The following GLOD4 variants were observed in gnomAD, a reference collection of about 807,000 sequenced individuals.
GLOD4 encodes the protein glyoxalase domain-containing protein 4.
In GLOD4, 44 loss-of-function variants were observed where a neutral mutation model predicts 39.1. The ratio of observed to expected loss-of-function variants is 1.13; its 90% CI spans 0.88 to 1.45. GLOD4 has a LOEUF of 1.45. GLOD4 is among the 40% of genes most tolerant of loss of function. The pLI is 0.00. For synonymous variants in GLOD4, 145 were observed against 135.0 expected (o/e 1.07, Z -0.52); for missense variants, 405 against 366.4 (o/e 1.11, Z -0.86).
Position 775,787 on chromosome 17 carries a change from G to T in GLOD4, c.394C>A (p.Leu132Met). Residue 132 changes from leucine (L) to methionine (M), a missense_variant, in exon 4 of 9, where the codon CTG (leucine) becomes ATG (methionine). By Grantham distance (15) the Leu-to-Met change is conservative. Coordinates refer to ENST00000301329, the MANE Select transcript of GLOD4 (RefSeq NM_016080.4). ...CTGGTATAATTACCTGACTGAGGCA[G>T]ACTGCGATTCTGCAAATAGAACTTA... Reference protein sequence around the residue: ...GYKFYLQNRSLPQSDPVLKVT... With the variant: ...GYKFYLQNRSMPQSDPVLKVT... The T allele has an allele frequency of 6.2e-7, 1 of 1,613,864 alleles. No individual in the cohort carries two copies. The highest frequency in any genetic ancestry group is 1.1e-5 in the South Asian group (1 of 91,052).
intron 1 of GLOD4, among the ~76,000 whole-genome samples, chr17:779,396 G>A (rs1258909765): frequency 6.6e-6 from 1 of 150,426 alleles, no homozygotes; most frequent in African/African-American, 2.5e-5. Flanking sequence ...TTGGGAGGCT[G>A]AGGTGGGCAG....
intron 8 of GLOD4, among the ~76,000 whole-genome samples, chr17:769,151 G>A (rs1597580291): frequency 6.6e-6 from 1 of 152,196 alleles, no homozygotes; most frequent in Non-Finnish European, 1.5e-5. Context: ...ATCAGATGGA[G>A]GCATCTCCCT....
In GLOD4 at chr17:773,312, A is replaced by G. The variant is rs146956700; in HGVS notation, c.407-1851T>C. ...ACAAAGACATTCACCAGTGTTGCTTAGAACAATAAAACACTAGGAACGACA... is the reference window on the plus strand; with the variant it reads ...ACAAAGACATTCACCAGTGTTGCTTGGAACAATAAAACACTAGGAACGACA... On this transcript the variant is annotated intron_variant, in intron 4 of 8. Coordinates refer to ENST00000301329, the MANE Select transcript of GLOD4 (RefSeq NM_016080.4). Among the ~76,000 whole-genome samples, 273 of 152,370 alleles carry G rather than the reference A, an allele frequency of 1.8e-3. 3 individuals carry two copies. Among genetic ancestry groups the G allele is most frequent in the African/African-American group, 6.2e-3 (256 of 41,590 alleles).
At chr17:785,430 T>C (rs1001606920), upstream of GLOD4, among the ~76,000 whole-genome samples, 3 of 152,176 alleles carry the variant, frequency 2.0e-5, no homozygotes, top group African/African-American at 7.2e-5. Flanking sequence ...ATATATAATT[T>C]TATCATGTAG....
At position 759,552 on chromosome 17, in the gene GLOD4, CAGAA is replaced by C. The variant is rs1381208107; in HGVS notation, c.*617_*620del. ...AAAAAAATAAAACAAAATATATACA[CAGAA>C]AGAAGCTCGCACAGAGTCAGGCGTG... On this transcript the variant is annotated 3_prime_UTR_variant, in exon 9 of 9. Coordinates refer to ENST00000301329, the MANE Select transcript of GLOD4 (RefSeq NM_016080.4). The C allele has an allele frequency of 1.8e-4, 28 of 152,000 alleles. No homozygotes were observed. The highest frequency in any genetic ancestry group is 1.8e-3 in the Admixed American group (28 of 15,264). The allele number at this position is 152,000 out of a possible 1,614,324, so 9.4% of individuals were successfully genotyped here. A position where few individuals can be genotyped will look rare whatever the true frequency, so the allele number is the denominator to read the frequency against.
chr17:771,325 C>G lies in GLOD4; in HGVS notation c.543G>C (p.Gln181His). The G allele has an allele frequency of 1.3e-6, 2 of 1,579,852 alleles. No individual in the cohort carries two copies. The highest frequency in any genetic ancestry group is 1.7e-6 in the Non-Finnish European group (2 of 1,165,394). ...QRALLGYADNQCKLELQGVKG... is the reference protein window; with the variant it reads ...QRALLGYADNHCKLELQGVKG... ...GTTATTCTTCTCCAAGATTGCTCACCTGGTTATCAGCATAGCCCAGCAAAG... is the reference window on the plus strand; with the variant it reads ...GTTATTCTTCTCCAAGATTGCTCACGTGGTTATCAGCATAGCCCAGCAAAG... The change falls in exon 5 of 9, where the codon CAG (glutamine) becomes CAC (histidine). Residue 181 changes from glutamine to histidine, a missense_variant and splice_region_variant. Physicochemically the swap from Gln to His is conservative, Grantham distance 24. Coordinates refer to ENST00000301329, the MANE Select transcript of GLOD4 (RefSeq NM_016080.4).
chr17:776,856 A>T lies in GLOD4; in HGVS notation c.261+12T>A. 1 of 1,610,158 alleles carries T rather than the reference A, an allele frequency of 6.2e-7. No homozygotes were observed. The highest frequency in any genetic ancestry group is 1.3e-5 in the African/African-American group (1 of 74,942). ...CCCAGCCAAAACTCTGCTAGAAAAA[A>T]ACGGTATTTACCATAAAGTCATTGC... On this transcript the variant is annotated intron_variant, in intron 3 of 8. Transcript: ENST00000301329.
chr17:771,874 G>A lies in GLOD4; in HGVS notation c.407-413C>T, dbSNP rs190686596. Among the ~76,000 whole-genome samples, 166 of 152,182 alleles carry A rather than the reference G, an allele frequency of 1.1e-3. 2 individuals are homozygous for A. The highest frequency in any genetic ancestry group is 3.6e-3 in the African/African-American group (150 of 41,538). On this transcript the variant is annotated intron_variant, in intron 4 of 8. Transcript: ENST00000301329. ...AAAAAATAAAAAAAATTAGCTGGGC[G>A]TGGTGGCGCACGCCTGTAATCCCAG...
intron 4 of GLOD4, among the ~76,000 whole-genome samples, chr17:774,369 C>T (rs1908525536): frequency 1.3e-5 from 2 of 152,248 alleles, no homozygotes; most frequent in Non-Finnish European, 2.9e-5. Context: ...TGCAGGCATA[C>T]GTTCACCAAG....
chr17:777,436 G>C (rs1429988785), intron 2 of GLOD4: 2 of 161,330 alleles, frequency 1.2e-5, no homozygotes, highest in African/African-American at 4.8e-5. Context: ...GAGGTCAGGA[G>C]TTCGAGACCA....
intron 8 of GLOD4, chr17:764,046 T>A (rs1159303746): frequency 6.6e-6 from 1 of 152,236 alleles, no homozygotes; most frequent in Non-Finnish European, 1.5e-5. Flanking sequence ...ATTTTCATCA[T>A]GAAATATTAA....
chr17:763,045 T>C (rs1310417257), intron 8 of GLOD4, among the ~76,000 whole-genome samples: 3 of 151,728 alleles, frequency 2.0e-5, no homozygotes, highest in East Asian at 1.9e-4. Context: ...GGTGTGGTGG[T>C]GGGCGCCTGT....
chr17:768,047 A>G (rs1269492850), intron 8 of GLOD4, among the ~76,000 whole-genome samples: 3 of 150,376 alleles, frequency 2.0e-5, no homozygotes, highest in Non-Finnish European at 4.4e-5. Context: ...AAATCTGGAG[A>G]GGACGTGAGA....
At chr17:782,297 A>G (rs769576987), upstream of GLOD4, 3 of 1,611,072 alleles carry the variant, frequency 1.9e-6, no homozygotes, top group Non-Finnish European at 2.5e-6. Context: ...CGTACAGCCC[A>G]GTCCACGAAG....
intron 8 of GLOD4, among the ~76,000 whole-genome samples, chr17:762,478 TCCAGGCCCCGGCCGGCAC>T (rs1905643838): frequency 6.7e-6 from 1 of 149,506 alleles, no homozygotes; most frequent in Non-Finnish European, 1.5e-5. Flanking sequence ...TTCATCACCA[TCCAGGCCCCGGCCGGCAC>T]CTACTCAGTG....
upstream of GLOD4, chr17:783,568 C>T (rs892937467): frequency 5.7e-5 from 20 of 353,424 alleles, no homozygotes; most frequent in Admixed American, 8.2e-4. Flanking sequence ...AACTTGTGAC[C>T]TCAGGTGATC....
Position 760,238 on chromosome 17 carries a change from C to G in GLOD4, c.832G>C (p.Ala278Pro), listed in dbSNP as rs1194345302. The G allele has an allele frequency of 2.6e-6, 4 of 1,553,356 alleles. No individual in the cohort carries two copies. Among genetic ancestry groups the G allele is most frequent in the Non-Finnish European group, 3.6e-6 (4 of 1,124,718 alleles). Reference sequence around the variant, plus strand: ...TCGTCACTTTTATCTGCTGCCATTGCCTGTAAAATAGAAATAGAATATACA... The same window carrying G: ...TCGTCACTTTTATCTGCTGCCATTGGCTGTAAAATAGAAATAGAATATACA... ...DPEGSKLLDD[A>P]MAADKSDEWF... Residue 278 changes from alanine to proline, a missense_variant and splice_region_variant, in exon 9 of 9, where the codon GCA becomes CCA. Ala to Pro is a conservative substitution (Grantham distance 27, BLOSUM62 -1). Coordinates refer to ENST00000301329, the MANE Select transcript of GLOD4 (RefSeq NM_016080.4).
chr17:759,917 C>A lies in GLOD4; in HGVS notation c.*256G>T. 2.2e-6 allele frequency: 1 copy of A among 448,644 alleles called. No homozygotes were observed. The highest frequency in any genetic ancestry group is 4.0e-6 in the Non-Finnish European group (1 of 252,270). The allele number at this position is 448,644 out of a possible 1,614,324, so 27.8% of individuals were successfully genotyped here. A position where few individuals can be genotyped will look rare whatever the true frequency, so the allele number is the denominator to read the frequency against. ...GGACAATCATCTGTCACTCATCCAA[C>A]ACAGTTATATACAGAATGCGCAGTC... is the stretch of plus-strand genomic sequence containing the variant. On this transcript the variant is annotated 3_prime_UTR_variant, in exon 9 of 9. Coordinates refer to ENST00000301329, the MANE Select transcript of GLOD4 (RefSeq NM_016080.4).
chr17:778,644 T>A (rs748414655), intron 2 of GLOD4, 51 bp downstream of exon 2: 1 of 1,014,478 alleles, frequency 9.9e-7, no homozygotes, highest in African/African-American at 1.6e-5. Flanking sequence ...TCTTCTGTTA[T>A]CCGGGTGTAG....
Sources: allele counts gnomAD v4.1 joint callset (sites outside exome capture counted in the v4.1 genomes callset), GRCh38; gene constraint gnomAD v4.1.1; transcripts MANE v1.5; gene names NCBI Gene and HGNC (gene_info 2026-07-23, HGNC 2026-07-21).